The following PLEKHM3 variants were observed in gnomAD, a reference collection of about 807,000 sequenced individuals.
PLEKHM3 encodes pleckstrin homology domain containing M3.
A neutral mutation model predicts 81.8 loss-of-function variants in PLEKHM3; 45 were observed. That is an observed-to-expected ratio of 0.55 (90% CI 0.43 to 0.71). PLEKHM3 has a LOEUF of 0.71. Among genes scored for constraint, PLEKHM3 ranks in the 30% least tolerant of loss-of-function variants. The pLI is 0.00. For missense variants in PLEKHM3, 788 were observed against 924.3 expected, an observed-to-expected ratio of 0.85 and a Z score of 1.91; for synonymous variants, 352 against 356.4, an observed-to-expected ratio of 0.99 and a Z score of 0.14.
At chr2:208,021,152 G>T (rs1693117725) in intron 1 of PLEKHM3, among the ~76,000 whole-genome samples, 1 of 152,180 alleles carries the variant, frequency 6.6e-6, no homozygotes, top group Non-Finnish European at 1.5e-5. Context: ...ATCAGCCTTG[G>T]ATGTTTTTTA....
At chr2:207,857,601 TTCTAG>T (rs1274631711) in intron 7 of PLEKHM3, among the ~76,000 whole-genome samples, 1 of 152,224 alleles carries the variant, frequency 6.6e-6, no homozygotes, top group Non-Finnish European at 1.5e-5. Context: ...TAATTTGTCT[TTCTAG>T]TCATTTGTCC....
chr2:207,960,825 T>C (rs991938446), intron 3 of PLEKHM3, among the ~76,000 whole-genome samples: 1 of 152,218 alleles, frequency 6.6e-6, no homozygotes, highest in Non-Finnish European at 1.5e-5. Context: ...AACATCATTT[T>C]CCCAAAGGTT....
At chr2:208,017,598 T>G (rs1047782193) in intron 1 of PLEKHM3, among the ~76,000 whole-genome samples, 1 of 152,120 alleles carries the variant, frequency 6.6e-6, no homozygotes, top group Non-Finnish European at 1.5e-5. Flanking sequence ...CCACCCAAGT[T>G]CCCCCACAGC....
intron 5 of PLEKHM3, among the ~76,000 whole-genome samples, chr2:207,920,960 G>C (rs946244774): frequency 2.0e-5 from 3 of 152,112 alleles, no homozygotes; most frequent in African/African-American, 4.8e-5. Flanking sequence ...GGACACCACT[G>C]TCTGCCACCT....
intron 7 of PLEKHM3, among the ~76,000 whole-genome samples, chr2:207,847,394 G>A (rs910820817): frequency 6.6e-6 from 1 of 152,192 alleles, no homozygotes; most frequent in African/African-American, 2.4e-5. Context: ...TTGTGCTGAA[G>A]AGTTTTCATT....
intron 6 of PLEKHM3, among the ~76,000 whole-genome samples, chr2:207,865,467 A>C (rs1019671534): frequency 2.6e-5 from 4 of 152,006 alleles, no homozygotes; most frequent in African/African-American, 9.7e-5. Flanking sequence ...ATGCCCCTGC[A>C]AGCCCAAGGA....
chr2:207,934,866 G>T (rs1322862014), intron 4 of PLEKHM3, among the ~76,000 whole-genome samples: 1 of 152,176 alleles, frequency 6.6e-6, no homozygotes, highest in East Asian at 1.9e-4. Flanking sequence ...TAAAAACAAA[G>T]TTCTTGAATG....
intron 6 of PLEKHM3, among the ~76,000 whole-genome samples, chr2:207,892,825 G>A (rs1398253231): frequency 1.3e-5 from 2 of 152,166 alleles, no homozygotes; most frequent in Non-Finnish European, 2.9e-5. Context: ...CACAGTCGCC[G>A]AGTTCCAAAT....
At chr2:207,983,331 G>A (rs528798816) in intron 2 of PLEKHM3, among the ~76,000 whole-genome samples, 6 of 151,994 alleles carry the variant, frequency 3.9e-5, no homozygotes, top group South Asian at 2.1e-4. Flanking sequence ...GATTACAGGC[G>A]TGAGCCACCA....
chr2:207,961,230 C>G (rs1052051716), intron 3 of PLEKHM3, among the ~76,000 whole-genome samples: 2 of 152,166 alleles, frequency 1.3e-5, no homozygotes, highest in African/African-American at 2.4e-5. Context: ...AGAAAAACAT[C>G]TTTATTGATG....
chr2:207,997,205 C>G (rs1692149749), intron 2 of PLEKHM3, among the ~76,000 whole-genome samples: 2 of 152,210 alleles, frequency 1.3e-5, no homozygotes, highest in African/African-American at 4.8e-5. Context: ...ATAGCTGCTA[C>G]ACCCTAGCTA....
rs762513893 is a variant in PLEKHM3 at position 207,828,502 on chromosome 2, A to G, written c.2109-6T>C. On this transcript the variant is annotated splice_region_variant and splice_polypyrimidine_tract_variant and intron_variant, in intron 7 of 7. Coordinates refer to ENST00000427836, the MANE Select transcript of PLEKHM3 (RefSeq NM_001080475.3). ...CGGCTCCACAGCTTTCACACCTGCA[A>G]AAGTCAACCATGGATATGATGAGCA... The G allele has an allele frequency of 6.2e-7, 1 of 1,613,010 alleles. No homozygotes were observed. Among genetic ancestry groups the G allele is most frequent in the Admixed American group, 1.7e-5 (1 of 59,936 alleles).
intron 6 of PLEKHM3, among the ~76,000 whole-genome samples, chr2:207,888,575 T>C (rs1687955372): frequency 6.6e-6 from 1 of 152,142 alleles, no homozygotes. Flanking sequence ...TTTGTATTTT[T>C]AGTAGAGACG....
chr2:207,943,867 C>CGA (rs1559248980), intron 4 of PLEKHM3, among the ~76,000 whole-genome samples: 8 of 75,768 alleles, frequency 1.1e-4, no homozygotes, highest in Non-Finnish European at 1.7e-4. Context: ...GACTCCGTCT[C>CGA]AAAAAAAAAA....
Position 207,975,582 on chromosome 2 carries a change from C to CTTT in PLEKHM3, c.1546+1066_1546+1068dup, listed in dbSNP as rs11350409. On this transcript the variant is annotated intron_variant, in intron 3 of 7. Coordinates refer to ENST00000427836, the MANE Select transcript of PLEKHM3 (RefSeq NM_001080475.3). Reference sequence around the variant, plus strand: ...ATCGGGTTCAGTGAGGTTTTAAAAGCTTTTTTTTTTTTTTTTTTTTTTTTT... The same window carrying CTTT: ...ATCGGGTTCAGTGAGGTTTTAAAAGCTTTTTTTTTTTTTTTTTTTTTTTTTTTT... 1.6e-3 allele frequency among the ~76,000 whole-genome samples: 103 copies of CTTT among 63,026 alleles called. 6 individuals are homozygous for CTTT. Among genetic ancestry groups the CTTT allele is most frequent in the African/African-American group, 3.8e-3 (58 of 15,078 alleles). 41.3% of individuals were successfully genotyped at this position (63,026 alleles called of 152,430 possible). A position where few individuals can be genotyped will look rare whatever the true frequency, so the allele number is the denominator to read the frequency against.
At chr2:208,011,815 G>C (rs1201133773) in intron 1 of PLEKHM3, among the ~76,000 whole-genome samples, 1 of 5,828 alleles carries the variant, frequency 1.7e-4, no homozygotes, top group African/African-American at 5.2e-4. Flanking sequence ...TTTTTTTTTT[G>C]AGACGGAGCT....
chr2:207,906,438 T>G (rs1688613006), intron 6 of PLEKHM3, among the ~76,000 whole-genome samples: 1 of 152,194 alleles, frequency 6.6e-6, no homozygotes, highest in South Asian at 2.1e-4. Context: ...AAAACCTTAG[T>G]CTTTTCTTAG....
intron 3 of PLEKHM3, among the ~76,000 whole-genome samples, chr2:207,974,470 T>C (rs758350441): frequency 3.4e-4 from 52 of 152,156 alleles, no homozygotes; most frequent in Non-Finnish European, 7.1e-4. Context: ...TTTTCTTCCC[T>C]CTTTTACTAG....
intron 7 of PLEKHM3, among the ~76,000 whole-genome samples, chr2:207,838,308 T>C (rs952417738): frequency 3.9e-5 from 6 of 152,180 alleles, no homozygotes; most frequent in African/African-American, 1.4e-4. Context: ...GCAATGCTCT[T>C]TTTATCTACA....
Sources: allele counts gnomAD v4.1 joint callset (sites outside exome capture counted in the v4.1 genomes callset), GRCh38; gene constraint gnomAD v4.1.1; transcripts MANE v1.5; gene names NCBI Gene and HGNC (gene_info 2026-07-23, HGNC 2026-07-21).